Variants in BAALC observed in about 807,000 individuals in gnomAD.
BAALC encodes brain and acute leukemia cytoplasmic protein.
A neutral mutation model predicts 15.5 loss-of-function variants in BAALC; 9 were observed. The ratio of observed to expected loss-of-function variants is 0.58; its 90% CI spans 0.35 to 1.02. The LOEUF (loss-of-function observed/expected upper bound fraction) is 1.02, where lower values mean the gene tolerates loss of function less well. Ranked by LOEUF, BAALC falls within the 50% of genes least tolerant of loss-of-function variation. The pLI, the probability that BAALC is intolerant of heterozygous loss-of-function variation, is 0.02. For missense variants in BAALC, 201 were observed against 192.4 expected, an observed-to-expected ratio of 1.04 and a Z score of -0.27; for synonymous variants, 80 against 74.6, an observed-to-expected ratio of 1.07 and a Z score of -0.37.
At chr8:103,207,886 A>G (rs954111352) in intron 1 of BAALC, among the ~76,000 whole-genome samples, 1 of 152,258 alleles carries the variant, frequency 6.6e-6, no homozygotes, top group Non-Finnish European at 1.5e-5. Context: ...TATGAGTTAA[A>G]TAAAATCCAT....
At chr8:103,215,258 T>A (rs919070602) in intron 2 of BAALC, among the ~76,000 whole-genome samples, 2 of 152,184 alleles carry the variant, frequency 1.3e-5, no homozygotes, top group African/African-American at 4.8e-5. Context: ...GTAAGCATTA[T>A]CCCCATTTTA....
At chr8:103,148,018 A>T (rs1176561707) in intron 1 of BAALC, among the ~76,000 whole-genome samples, 1 of 152,158 alleles carries the variant, frequency 6.6e-6, no homozygotes, top group Non-Finnish European at 1.5e-5. Flanking sequence ...GAATGTTGTT[A>T]TGTGCTGATT....
intron 1 of BAALC, among the ~76,000 whole-genome samples, chr8:103,156,324 T>A (rs1486429463): frequency 1.3e-5 from 2 of 152,258 alleles, no homozygotes; most frequent in Non-Finnish European, 2.9e-5. Flanking sequence ...TTTTAAAGTA[T>A]CTTGGATAAC....
intron 1 of BAALC, among the ~76,000 whole-genome samples, chr8:103,192,537 CAGTT>C (rs921670003): frequency 2.9e-5 from 4 of 136,358 alleles, no homozygotes; most frequent in African/African-American, 1.1e-4. Flanking sequence ...TCTAAATAGT[CAGTT>C]GCATTTATCA....
At chr8:103,183,092 T>G (rs1291019025) in intron 1 of BAALC, among the ~76,000 whole-genome samples, 2 of 152,200 alleles carry the variant, frequency 1.3e-5, no homozygotes, top group Non-Finnish European at 2.9e-5. Context: ...TAACCATTAT[T>G]ATCTCAAACC....
At chr8:103,222,656 A>C (rs1812704475) in intron 2 of BAALC, among the ~76,000 whole-genome samples, 1 of 152,206 alleles carries the variant, frequency 6.6e-6, no homozygotes, top group African/African-American at 2.4e-5. Context: ...AACATTTCTG[A>C]GAAAATGCAT....
intron 1 of BAALC, among the ~76,000 whole-genome samples, chr8:103,143,564 T>G (rs1810827269): frequency 6.6e-6 from 1 of 152,174 alleles, no homozygotes; most frequent in Non-Finnish European, 1.5e-5. Context: ...GTGAGTCAAA[T>G]GAGACTCTCA....
chr8:103,185,784 A>T (rs900215019), intron 1 of BAALC, among the ~76,000 whole-genome samples: 1 of 152,258 alleles, frequency 6.6e-6, no homozygotes, highest in Non-Finnish European at 1.5e-5. Flanking sequence ...CTGGGGATGA[A>T]CATAACCAAA....
intron 1 of BAALC, among the ~76,000 whole-genome samples, chr8:103,192,201 G>A (rs1811985301): frequency 6.6e-6 from 1 of 152,100 alleles, no homozygotes; most frequent in African/African-American, 2.4e-5. Context: ...ACAGGCATGT[G>A]CCACCACCCC....
chr8:103,154,784 T>C (rs1811054806), intron 1 of BAALC: 1 of 154,490 alleles, frequency 6.5e-6, no homozygotes, highest in African/African-American at 2.4e-5. Flanking sequence ...TTTTCTTATT[T>C]ATGATTGTGA....
At chr8:103,143,501 T>C (rs1810826197) in intron 1 of BAALC, among the ~76,000 whole-genome samples, 2 of 152,110 alleles carry the variant, frequency 1.3e-5, no homozygotes, top group African/African-American at 4.8e-5. Flanking sequence ...TCAACAAAAA[T>C]GGCTTCACTA....
Position 103,216,858 on chromosome 8 carries a change from C to G in BAALC, c.327+3773C>G, listed in dbSNP as rs190366795. Among the ~76,000 whole-genome samples the G allele has an allele frequency of 2.0e-5, 3 of 152,354 alleles. No individual in the cohort carries two copies. In the East Asian group the frequency reaches 5.8e-4, roughly 29 times the overall value. The stretch of plus-strand genomic sequence containing the variant: ...GTTATGTTATCTCTTAATCCTCACA[C>G]TAACTCTATAATGTTGACATTGTTG... On this transcript the variant is annotated intron_variant, in intron 2 of 2. Coordinates refer to ENST00000309982, the MANE Select transcript of BAALC (RefSeq NM_024812.3).
At chr8:103,151,576 T>G (rs1391789963) in intron 1 of BAALC, among the ~76,000 whole-genome samples, 2 of 152,154 alleles carry the variant, frequency 1.3e-5, no homozygotes, top group African/African-American at 4.8e-5. Flanking sequence ...TACACTCTTG[T>G]TTTGGAGCTG....
At chr8:103,221,676 A>C (rs1395575166) in intron 2 of BAALC, among the ~76,000 whole-genome samples, 2 of 152,196 alleles carry the variant, frequency 1.3e-5, no homozygotes, top group Non-Finnish European at 2.9e-5. Flanking sequence ...AGGGCAAAAC[A>C]ACTCACTTCT....
At chr8:103,188,784 T>C (rs1811901711) in intron 1 of BAALC, among the ~76,000 whole-genome samples, 1 of 152,214 alleles carries the variant, frequency 6.6e-6, no homozygotes, top group African/African-American at 2.4e-5. Context: ...CAAGATGTAT[T>C]CAACAGTGAG....
rs186855971 is a variant in BAALC at position 103,181,428 on chromosome 8, C to A, written c.161-31491C>A. 9.2e-5 allele frequency among the ~76,000 whole-genome samples: 14 copies of A among 152,134 alleles called. No individual in the cohort carries two copies. In the East Asian group the frequency reaches 2.7e-3, roughly 30 times the overall value. On this transcript the variant is annotated intron_variant, in intron 1 of 2. Coordinates refer to ENST00000309982, the MANE Select transcript of BAALC (RefSeq NM_024812.3). ...CTGGGACTACAGTCTCCCACCACCA[C>A]GCCTGGCTAATTTTTTGTATTTTTA...
chr8:103,223,386 A>G (rs1020058850), intron 2 of BAALC, among the ~76,000 whole-genome samples: 1 of 152,208 alleles, frequency 6.6e-6, no homozygotes, highest in Non-Finnish European at 1.5e-5. Context: ...AACCCTCTCA[A>G]TGTTATGTGA....
chr8:103,227,242 G>T (rs922342825), intron 2 of BAALC, among the ~76,000 whole-genome samples: 3 of 152,080 alleles, frequency 2.0e-5, no homozygotes, highest in Admixed American at 2.0e-4. Context: ...GAGGACCTTC[G>T]TATATTTCTG....
chr8:103,227,149 G>T, intron 2 of BAALC, among the ~76,000 whole-genome samples: 1 of 152,172 alleles, frequency 6.6e-6, no homozygotes, highest in East Asian at 1.9e-4. Context: ...ATGCGTTCTT[G>T]TGGGTCATTC....
Sources: allele counts gnomAD v4.1 joint callset (sites outside exome capture counted in the v4.1 genomes callset), GRCh38; gene constraint gnomAD v4.1.1; transcripts MANE v1.5; gene names NCBI Gene and HGNC (gene_info 2026-07-23, HGNC 2026-07-21).